Variants in PDE1A observed in about 807,000 individuals in gnomAD.
The protein encoded by PDE1A is phosphodiesterase 1A.
PDE1A carries 35 observed loss-of-function variants against 61.7 expected under a neutral mutation model. That is an observed-to-expected ratio of 0.57 (90% CI 0.43 to 0.75). The LOEUF (loss-of-function observed/expected upper bound fraction) is 0.75. PDE1A is among the 30% of genes least tolerant of loss of function. The pLI is 0.00. For synonymous variants in PDE1A, 232 were observed against 213.2 expected (o/e 1.09, Z -0.77); for missense variants, 597 against 630.6 (o/e 0.95, Z 0.57).
At chr2:182,491,444 C>A (rs946873293) in intron 2 of PDE1A, among the ~76,000 whole-genome samples, 18 of 152,002 alleles carry the variant, frequency 1.2e-4, no homozygotes, top group East Asian at 7.7e-4. Context: ...TGTGAAGGTA[C>A]AAAGAATTGG....
chr2:182,272,496 A>G (rs1693102251), intron 1 of PDE1A, among the ~76,000 whole-genome samples: 1 of 152,234 alleles, frequency 6.6e-6, no homozygotes, highest in African/African-American at 2.4e-5. Flanking sequence ...CAAATATTCA[A>G]CAACTTCAAA....
chr2:182,237,677 T>C (rs1690138395), intron 3 of PDE1A, among the ~76,000 whole-genome samples: 1 of 152,070 alleles, frequency 6.6e-6, no homozygotes, highest in African/African-American at 2.4e-5. Context: ...GGTAAACCAC[T>C]GGCTGGGGGC....
intron 1 of PDE1A, among the ~76,000 whole-genome samples, chr2:182,384,865 C>T (rs1004633862): frequency 7.9e-5 from 12 of 152,108 alleles, no homozygotes; most frequent in African/African-American, 2.9e-4. Flanking sequence ...TACCCCAGTA[C>T]CTATTATAAT....
At chr2:182,658,057 A>AAC in the PDE1A span, among the ~76,000 whole-genome samples, 2 of 105,684 alleles carry the variant, frequency 1.9e-5, no homozygotes, top group African/African-American at 3.3e-5. Flanking sequence ...TAAAAAAAAA[A>AAC]AAAAAAAAAA....
At chr2:182,203,894 T>C (rs1240166183) in intron 8 of PDE1A, among the ~76,000 whole-genome samples, 1 of 151,962 alleles carries the variant, frequency 6.6e-6, no homozygotes. Context: ...TTTTGGAAAG[T>C]GTTGAATCTA....
At chr2:182,509,049 G>A (rs1053478784) in intron 2 of PDE1A, among the ~76,000 whole-genome samples, 1 of 150,544 alleles carries the variant, frequency 6.6e-6, no homozygotes, top group Non-Finnish European at 1.5e-5. Flanking sequence ...CTATGAGTGA[G>A]AATATGTGGT....
At chr2:182,669,049 T>C in the PDE1A span, among the ~76,000 whole-genome samples, 4 of 152,210 alleles carry the variant, frequency 2.6e-5, no homozygotes, top group Admixed American at 2.6e-4. Flanking sequence ...TCCATTTTCC[T>C]TTCAAGAGGC....
At chr2:182,221,800 T>A (rs1450288939) in intron 7 of PDE1A, among the ~76,000 whole-genome samples, 1 of 151,964 alleles carries the variant, frequency 6.6e-6, no homozygotes, top group African/African-American at 2.4e-5. Flanking sequence ...GTGTCCCTTT[T>A]CTCACTCCTC....
chr2:182,459,736 A>T (rs1481562270), intron 2 of PDE1A, among the ~76,000 whole-genome samples: 2 of 152,138 alleles, frequency 1.3e-5, no homozygotes, highest in African/African-American at 4.8e-5. Flanking sequence ...ACCAACATTC[A>T]ATGAGGAATG....
At chr2:182,465,650 T>TTTGTCC (rs1686610376) in intron 2 of PDE1A, among the ~76,000 whole-genome samples, 3 of 152,154 alleles carry the variant, frequency 2.0e-5, no homozygotes, top group African/African-American at 7.2e-5. Context: ...TGATGCAGTT[T>TTTGTCC]AAAGCAATAA....
At chr2:182,654,189 G>T in the PDE1A span, among the ~76,000 whole-genome samples, 1 of 152,214 alleles carries the variant, frequency 6.6e-6, no homozygotes, top group African/African-American at 2.4e-5. Context: ...GGCTATATTA[G>T]TTGATTCTAA....
the PDE1A span, among the ~76,000 whole-genome samples, chr2:182,609,679 G>GT: frequency 6.6e-6 from 1 of 152,234 alleles, no homozygotes; most frequent in Admixed American, 6.5e-5. Context: ...TTTAAGAACT[G>GT]TAACACTCAC....
chr2:182,480,019 G>C (rs1021638543), intron 2 of PDE1A, among the ~76,000 whole-genome samples: 1 of 151,606 alleles, frequency 6.6e-6, no homozygotes, highest in African/African-American at 2.4e-5. Flanking sequence ...CAAATACAAG[G>C]GACTTTTTCT....
the PDE1A span, among the ~76,000 whole-genome samples, chr2:182,560,056 T>C: frequency 7.0e-6 from 1 of 142,788 alleles, no homozygotes; most frequent in Non-Finnish European, 1.6e-5. Context: ...GAGGAAGAGA[T>C]AGGGATTCTT....
chr2:182,357,836 C>T (rs1699282947), intron 1 of PDE1A, among the ~76,000 whole-genome samples: 1 of 152,174 alleles, frequency 6.6e-6, no homozygotes, highest in Non-Finnish European at 1.5e-5. Context: ...AAGGCAGCTC[C>T]ACTGAGTTAA....
intron 7 of PDE1A, among the ~76,000 whole-genome samples, chr2:182,211,351 TCTCTA>T (rs1687580492): frequency 6.6e-6 from 1 of 152,214 alleles, no homozygotes; most frequent in Admixed American, 6.5e-5. Flanking sequence ...ATTACTGGGC[TCTCTA>T]CTCTTTTTCA....
At chr2:182,391,053 C>T (rs1701391171) in intron 1 of PDE1A, among the ~76,000 whole-genome samples, 1 of 152,290 alleles carries the variant, frequency 6.6e-6, no homozygotes, top group South Asian at 2.1e-4. Flanking sequence ...ACAGGAGGTG[C>T]ACAAAATTCC....
At chr2:182,142,222 G>A (rs552239069), downstream of PDE1A, 5 of 151,506 alleles carry the variant, frequency 3.3e-5, no homozygotes, top group African/African-American at 7.3e-5. Context: ...TAAACATCCC[G>A]CTGGCAAATT....
the PDE1A span, among the ~76,000 whole-genome samples, chr2:182,535,531 C>A: frequency 2.6e-5 from 4 of 152,020 alleles, no homozygotes; most frequent in African/African-American, 9.7e-5. Flanking sequence ...TATTTTCTAT[C>A]CAATTAACTT....
Sources: allele counts gnomAD v4.1 joint callset (sites outside exome capture counted in the v4.1 genomes callset), GRCh38; gene constraint gnomAD v4.1.1; transcripts MANE v1.5; gene names NCBI Gene and HGNC (gene_info 2026-07-23, HGNC 2026-07-21).